P3H3: variants seen among roughly 807,000 people sequenced by gnomAD.
The protein encoded by P3H3 is gene rich cluster, B.
P3H3 carries 64 observed loss-of-function variants against 78.1 expected under a neutral mutation model. That is an observed-to-expected ratio of 0.82 (90% CI 0.67 to 1.01). The LOEUF (loss-of-function observed/expected upper bound fraction) is 1.01. Among genes scored for constraint, P3H3 ranks in the 50% least tolerant of loss-of-function variants. The pLI is 0.00. For synonymous variants in P3H3, 425 were observed against 416.7 expected (o/e 1.02, Z -0.24); for missense variants, 975 against 982.2 (o/e 0.99, Z 0.10).
chr12:6,829,328 G>T lies in P3H3; in HGVS notation c.498+390G>T. On this transcript the variant is annotated intron_variant, in intron 1 of 14. Coordinates refer to ENST00000290510, the MANE Select transcript of P3H3 (RefSeq NM_014262.5). This position sits in a 1 kb window ranked among gnomAD's most constrained non-coding sequence, Gnocchi z 5.1. ...GTGGTGAGTGTGAACCTTCGCTTGG[G>T]GCAGGAGGTAGCTTCGGAAAGGAAG... 1 of 238,496 alleles carries T rather than the reference G, an allele frequency of 4.2e-6. No individual in the cohort carries two copies. The highest frequency in any genetic ancestry group is 8.0e-6 in the Non-Finnish European group (1 of 124,848). The allele number at this position is 238,496 out of a possible 1,614,324, so 14.8% of individuals were successfully genotyped here.
At chr12:6,835,630 A>G (rs1452297298) in intron 9 of P3H3, among the ~76,000 whole-genome samples, 3 of 152,070 alleles carry the variant, frequency 2.0e-5, no homozygotes, top group African/African-American at 7.2e-5. Context: ...TTAATTAATT[A>G]AAAAAGAACA....
Position 6,837,083 on chromosome 12 carries a change from G to T in P3H3, c.1557G>T (p.Ala519=), listed in dbSNP as rs1129646. The T allele has an allele frequency of 0.35, 558,364 of 1,599,972 alleles. 99,132 individuals are homozygous for T. The highest frequency in any genetic ancestry group is 0.45 in the African/African-American group (33,375 of 74,864). ...RFEGLTVLKA[A]QLARAGTVGS... ...AGGGGCTCACGGTGCTTAAGGCTGC[G>T]CAGGTGAGCACAGGAGGCACCCGGG... is the stretch of plus-strand genomic sequence containing the variant. The change falls in exon 10 of 15, where the codon GCG becomes GCT. Residue 519 remains alanine (A), a synonymous_variant. Transcript: ENST00000290510.
chr12:6,837,019 G>T lies in P3H3; in HGVS notation c.1493G>T (p.Arg498Leu), dbSNP rs782481170. 6.2e-7 allele frequency: 1 copy of T among 1,609,948 alleles called. No individual in the cohort carries two copies. The highest frequency in any genetic ancestry group is 8.5e-7 in the Non-Finnish European group (1 of 1,179,818). ...AAGAGARSGY[R>L]GRRSPHTPHE... The stretch of plus-strand genomic sequence containing the variant: ...GGGGCTGGAGCCAGGTCTGGCTATC[G>T]TGGTCGCCGCTCCCCTCACACCCCC... The change falls in exon 10 of 15, where the codon CGT (arginine) becomes CTT (leucine). Residue 498 changes from arginine (R) to leucine (L), a missense_variant. Physicochemically the swap from Arg to Leu is moderately radical, Grantham distance 102. Coordinates refer to ENST00000290510, the MANE Select transcript of P3H3 (RefSeq NM_014262.5).
At position 6,830,754 on chromosome 12, in the gene P3H3, T is replaced by C. The variant is rs781798270; in HGVS notation, c.969T>C (p.His323=). 1 of 1,613,982 alleles carries C rather than the reference T, an allele frequency of 6.2e-7. No individual in the cohort carries two copies. ...DFLPNQLRRL[H]EAHAQVGNLS... is the part of the protein sequence containing the mutation. The stretch of plus-strand genomic sequence containing the variant: ...TTCCCAACCAGCTGAGGCGGCTACA[T>C]GAGGCCCATGCTCAGGGTCAGTTGG... The change falls in exon 4 of 15, where the codon CAT becomes CAC. Residue 323 remains histidine (H), a synonymous_variant. Transcript: ENST00000290510.
intron 9 of P3H3, 25 bp from the exon 10 acceptor site, chr12:6,836,960 C>T (rs781934543): frequency 7.0e-6 from 11 of 1,579,784 alleles, no homozygotes; most frequent in Non-Finnish European, 8.7e-6. Flanking sequence ...GGGAGTGACT[C>T]CACGGTAAAC....
At chr12:6,830,949 A>G (rs1943444737) in intron 4 of P3H3, 179 bp downstream of exon 4, 3 of 931,658 alleles carry the variant, frequency 3.2e-6, no homozygotes, top group Non-Finnish European at 5.1e-6. Flanking sequence ...TGACAAGCTC[A>G]GGAGATGGGC....
At chr12:6,830,867 T>A in intron 4 of P3H3, 97 bp downstream of exon 4, 1 of 1,539,446 alleles carries the variant, frequency 6.5e-7, no homozygotes, top group Non-Finnish European at 9.0e-7. Context: ...TCTGGATTTG[T>A]AGTTTCACTG....
chr12:6,834,114 C>T (rs1943474638), intron 9 of P3H3, 65 bp downstream of exon 9: 3 of 1,599,360 alleles, frequency 1.9e-6, no homozygotes, highest in Non-Finnish European at 1.7e-6. Context: ...TGTTCCCTTG[C>T]TCTTGGCCTG....
In P3H3 at chr12:6,831,698, T is replaced by C; in HGVS notation, c.1123-127T>C. 2 of 722,774 alleles carry C rather than the reference T, an allele frequency of 2.8e-6. No homozygotes were observed. Among genetic ancestry groups the C allele is most frequent in the Non-Finnish European group, 4.9e-6 (2 of 406,640 alleles). 44.8% of individuals were successfully genotyped at this position (722,774 alleles called of 1,614,324 possible). ...GCTCTGAAGCTGCTGAGGGGGAACG[T>C]TGAACAGAGGAACCGGGGGGCATGG... On this transcript the variant is annotated intron_variant, in intron 5 of 14. Transcript: ENST00000290510. This position sits in a 1 kb window ranked among gnomAD's most constrained non-coding sequence, Gnocchi z 4.6.
chr12:6,836,554 C>G (rs1943499306), intron 9 of P3H3, among the ~76,000 whole-genome samples: 2 of 152,104 alleles, frequency 1.3e-5, no homozygotes, highest in South Asian at 4.1e-4. Flanking sequence ...GATGCTGTCT[C>G]CCTACCGCCA....
At position 6,829,631 on chromosome 12, in the gene P3H3, A is replaced by T. The variant is rs1005334788; in HGVS notation, c.499-228A>T. On this transcript the variant is annotated intron_variant, in intron 1 of 14. Transcript: ENST00000290510. The surrounding 1 kb of genome is among the most constrained non-coding windows in gnomAD (Gnocchi z 5.1). ...GAGACCCATGTCCCACCCAACTCCG[A>T]CGTCTTTAGATCCCCTTTCCCTCGG... is the stretch of plus-strand genomic sequence containing the variant. 4 of 555,824 alleles carry T rather than the reference A, an allele frequency of 7.2e-6. No individual in the cohort carries two copies. In the African/African-American group the frequency reaches 7.6e-5, roughly 11 times the overall value. The allele number at this position is 555,824 out of a possible 1,614,324, so 34.4% of individuals were successfully genotyped here. A position where few individuals can be genotyped will look rare whatever the true frequency, so the allele number is the denominator to read the frequency against.
At position 6,828,947 on chromosome 12, in the gene P3H3, C is replaced by G. The variant is rs1821428761; in HGVS notation, c.498+9C>G. On this transcript the variant is annotated intron_variant, in intron 1 of 14. Transcript: ENST00000290510. ...AGAGGGCCTATTACCAGGTGGGGAG[C>G]GGGCCGGGCAGCTCCGAGGGTCCCA... 1.5e-5 allele frequency: 19 copies of G among 1,227,538 alleles called. No homozygotes were observed. Among genetic ancestry groups the G allele is most frequent in the Non-Finnish European group, 1.9e-5 (19 of 980,620 alleles). 76.0% of individuals were successfully genotyped at this position (1,227,538 alleles called of 1,614,324 possible).
intron 14 of P3H3, 75 bp downstream of exon 14, chr12:6,839,215 A>G: frequency 6.4e-7 from 1 of 1,568,958 alleles, no homozygotes; most frequent in Non-Finnish European, 8.6e-7. Context: ...GAGAAGGCTC[A>G]CAGTCGGTGA....
chr12:6,829,955 C>CG lies in P3H3; in HGVS notation c.596dup (p.Met200AsnfsTer22), dbSNP rs782504084. The CG allele has an allele frequency of 1.2e-6, 2 of 1,614,018 alleles. No homozygotes were observed. Among genetic ancestry groups the CG allele is most frequent in the South Asian group, 2.2e-5 (2 of 91,084 alleles). Reference sequence around the variant, plus strand: ...GCGGGAGGACATGGCTAAGTACAGACGAATGTCGGGAGTTCGGCCCCAGAG... The same window carrying CG: ...GCGGGAGGACATGGCTAAGTACAGACGGAATGTCGGGAGTTCGGCCCCAGAG... On this transcript the variant is annotated frameshift_variant, in exon 2 of 15. Coordinates refer to ENST00000290510, the MANE Select transcript of P3H3 (RefSeq NM_014262.5). LOFTEE classifies it high-confidence loss of function. The surrounding 1 kb of genome is among the most constrained non-coding windows in gnomAD (Gnocchi z 5.1).
Position 6,831,455 on chromosome 12 carries a change from A to C in P3H3, c.1122+103A>C, listed in dbSNP as rs1210145997. On this transcript the variant is annotated intron_variant, in intron 5 of 14. Transcript: ENST00000290510. The surrounding 1 kb of genome is among the most constrained non-coding windows in gnomAD (Gnocchi z 4.6). Reference sequence around the variant, plus strand: ...CCCCCCGCTGGCCTCTTACCCGAGCACTCTAGTCACCCAAAGGACTCCAAG... The same window carrying C: ...CCCCCCGCTGGCCTCTTACCCGAGCCCTCTAGTCACCCAAAGGACTCCAAG... 5 of 1,480,692 alleles carry C rather than the reference A, an allele frequency of 3.4e-6. No individual in the cohort carries two copies. In the African/African-American group the frequency reaches 7.0e-5, roughly 21 times the overall value. 91.7% of individuals were successfully genotyped at this position (1,480,692 alleles called of 1,614,324 possible). A position where few individuals can be genotyped will look rare whatever the true frequency, so the allele number is the denominator to read the frequency against.
At chr12:6,834,104 T>G (rs1943474568) in intron 9 of P3H3, 55 bp downstream of exon 9, 2 of 1,605,770 alleles carry the variant, frequency 1.2e-6, no homozygotes, top group Non-Finnish European at 1.7e-6. Flanking sequence ...TACAATCACC[T>G]GTTCCCTTGC....
In P3H3 at chr12:6,839,677, G is replaced by A. The variant is rs373222084; in HGVS notation, c.*216G>A. 1 of 611,426 alleles carries A rather than the reference G, an allele frequency of 1.6e-6. No homozygotes were observed. The highest frequency in any genetic ancestry group is 1.8e-5 in the African/African-American group (1 of 54,450). The allele number at this position is 611,426 out of a possible 1,614,324, so 37.9% of individuals were successfully genotyped here. A position where few individuals can be genotyped will look rare whatever the true frequency, so the allele number is the denominator to read the frequency against. On this transcript the variant is annotated 3_prime_UTR_variant, in exon 15 of 15. Transcript: ENST00000290510. ...CACCAGGCCTGGGGAGCTGGGACGG[G>A]GCCCCGCTGCCGGACCTGCAGCCCT...
intron 9 of P3H3, among the ~76,000 whole-genome samples, chr12:6,835,670 G>C (rs1023083089): frequency 2.6e-5 from 4 of 152,066 alleles, no homozygotes; most frequent in African/African-American, 9.7e-5. Context: ...GTTACCAAGA[G>C]ACAGTATAGG....
At position 6,829,794 on chromosome 12, in the gene P3H3, G is replaced by T; in HGVS notation, c.499-65G>T. 6.3e-7 allele frequency: 1 copy of T among 1,587,316 alleles called. No homozygotes were observed. The highest frequency in any genetic ancestry group is 2.2e-5 in the East Asian group (1 of 44,702). ...TGTCTGGGGTAGGGTGGGGAGGCTG[G>T]CCAGGGGGCAGAGGTCTGCCCCCCG... On this transcript the variant is annotated intron_variant, in intron 1 of 14. Transcript: ENST00000290510. The surrounding 1 kb of genome is among the most constrained non-coding windows in gnomAD (Gnocchi z 5.1).
Sources: allele counts gnomAD v4.1 joint callset (sites outside exome capture counted in the v4.1 genomes callset), GRCh38; gene constraint gnomAD v4.1.1; non-coding constraint Gnocchi (gnomAD v3.1); transcripts MANE v1.5; gene names NCBI Gene and HGNC (gene_info 2026-07-23, HGNC 2026-07-21).